Variants in UBE2H observed in about 807,000 individuals in gnomAD.
The protein encoded by UBE2H is ubiquitin conjugating enzyme E2 H.
UBE2H carries 3 observed loss-of-function variants against 29.0 expected under a neutral mutation model. The ratio of observed to expected loss-of-function variants is 0.10; its 90% CI spans 0.05 to 0.27. The LOEUF (loss-of-function observed/expected upper bound fraction) is 0.27, where lower values mean the gene tolerates loss of function less well. UBE2H is among the 10% of genes least tolerant of loss of function. The pLI is 1.00. For missense variants in UBE2H, 68 were observed against 228.2 expected (o/e 0.30, Z 4.52); for synonymous variants, 69 against 82.9 (o/e 0.83, Z 0.91).
chr7:129,915,178 G>C (rs770933757), intron 1 of UBE2H, among the ~76,000 whole-genome samples: 13 of 152,072 alleles, frequency 8.5e-5, no homozygotes, highest in Admixed American at 2.6e-4. Flanking sequence ...CAAAAACCAC[G>C]GGCTTGGCTC....
chr7:129,944,102 A>G (rs1002818833), intron 1 of UBE2H, among the ~76,000 whole-genome samples: 1 of 151,738 alleles, frequency 6.6e-6, no homozygotes, highest in Non-Finnish European at 1.5e-5. Context: ...CATGCCTGTA[A>G]TCCCAGCACT....
intron 6 of UBE2H, 143 bp downstream of exon 6, chr7:129,839,064 A>T: frequency 8.0e-7 from 1 of 1,242,584 alleles, no homozygotes; most frequent in South Asian, 1.5e-5. Context: ...GAGGTTGGTG[A>T]GCACTACTTC....
At chr7:129,849,166 A>G (rs1402734266) in intron 5 of UBE2H, among the ~76,000 whole-genome samples, 2 of 22,436 alleles carry the variant, frequency 8.9e-5, no homozygotes, top group African/African-American at 1.7e-4. Flanking sequence ...AAAACTTGCA[A>G]ACAGAGGGCC....
intron 1 of UBE2H, among the ~76,000 whole-genome samples, chr7:129,908,775 A>G (rs78637810): frequency 0.064 from 9,698 of 152,252 alleles, 373 homozygotes; most frequent in Non-Finnish European, 0.092. Context: ...CCAATCTATG[A>G]TTATCCCCAA....
intron 1 of UBE2H, among the ~76,000 whole-genome samples, chr7:129,935,337 CGA>C: frequency 6.7e-6 from 1 of 150,346 alleles, no homozygotes; most frequent in East Asian, 2.0e-4. Flanking sequence ...CGCTTGAACC[CGA>C]GAGGCGAGGG....
chr7:129,889,907 A>G (rs1010210650), intron 1 of UBE2H, among the ~76,000 whole-genome samples: 1 of 152,108 alleles, frequency 6.6e-6, no homozygotes, highest in Admixed American at 6.6e-5. Context: ...GGAGGATCAC[A>G]TGAGCCCAGG....
intron 1 of UBE2H, among the ~76,000 whole-genome samples, chr7:129,937,642 G>A (rs1807558726): frequency 1.3e-5 from 2 of 152,188 alleles, no homozygotes; most frequent in Admixed American, 6.6e-5. Flanking sequence ...ATCAGAGACA[G>A]CACTTTAGCT....
chr7:129,893,537 G>C (rs887012924), intron 1 of UBE2H, among the ~76,000 whole-genome samples: 7 of 152,136 alleles, frequency 4.6e-5, no homozygotes, highest in African/African-American at 1.7e-4. Context: ...GTTTCAGAGA[G>C]AGAAAAGTGA....
intron 3 of UBE2H, among the ~76,000 whole-genome samples, chr7:129,873,690 G>A (rs1327330601): frequency 3.3e-5 from 5 of 151,472 alleles, no homozygotes; most frequent in Admixed American, 2.0e-4. Context: ...TGCCCACTTC[G>A]GCCTCCCCAA....
At chr7:129,886,767 TA>T (rs79067201) in intron 1 of UBE2H, among the ~76,000 whole-genome samples, 2,183 of 72,026 alleles carry the variant, frequency 0.03, 66 homozygotes, top group East Asian at 0.17. Flanking sequence ...TGTTTTTTGG[TA>T]AAAAAAAAAA....
intron 5 of UBE2H, among the ~76,000 whole-genome samples, chr7:129,847,078 C>CTCTA (rs1456227191): frequency 6.6e-6 from 1 of 151,826 alleles, no homozygotes; most frequent in Non-Finnish European, 1.5e-5. Flanking sequence ...TGGAGTCTCG[C>CTCTA]TCTATCTCCC....
chr7:129,881,017 GCAGAATTACCA>G, intron 1 of UBE2H, 46 bp from the exon 2 acceptor site: 1 of 1,561,834 alleles, frequency 6.4e-7, no homozygotes, highest in Non-Finnish European at 8.7e-7. Context: ...ACAGTATCTG[GCAGAATTACCA>G]ATAACACCCC....
chr7:129,880,138 C>T lies in UBE2H; in HGVS notation c.131-496G>A, dbSNP rs949148063. The stretch of plus-strand genomic sequence containing the variant: ...TTCCACACCCCTGGATTCAACCAAC[C>T]ACAGATCAAAAATATTAGAGAAAAA... On this transcript the variant is annotated intron_variant, in intron 2 of 6. Coordinates refer to ENST00000355621, the MANE Select transcript of UBE2H (RefSeq NM_003344.4). Among the ~76,000 whole-genome samples the T allele has an allele frequency of 7.2e-5, 11 of 152,162 alleles. No homozygotes were observed. The South Asian group carries it at 1.0e-3, about 14-fold the overall frequency.
At chr7:129,938,808 G>GT (rs1456657433) in intron 1 of UBE2H, among the ~76,000 whole-genome samples, 3,101 of 147,906 alleles carry the variant, frequency 0.021, 58 homozygotes, top group African/African-American at 0.056. Context: ...TGTTTTTTTT[G>GT]TTTTTTTTTG....
chr7:129,849,380 C>T (rs868444259), intron 5 of UBE2H, among the ~76,000 whole-genome samples: 1 of 152,088 alleles, frequency 6.6e-6, no homozygotes, highest in African/African-American at 2.4e-5. Flanking sequence ...GGGTTCAAGA[C>T]CAACCTGGCC....
Position 129,834,698 on chromosome 7 carries a change from C to T in UBE2H, c.*239G>A. On this transcript the variant is annotated 3_prime_UTR_variant, in exon 7 of 7. Coordinates refer to ENST00000355621, the MANE Select transcript of UBE2H (RefSeq NM_003344.4). ...GGCCACATGGACTCATGAATGCATG[C>T]ATTCAGACCGCATATTGCTACCAAA... The T allele has an allele frequency of 2.4e-6, 1 of 408,192 alleles. No homozygotes were observed. The highest frequency in any genetic ancestry group is 4.7e-5 in the East Asian group (1 of 21,440). The allele number at this position is 408,192 out of a possible 1,614,324, so 25.3% of individuals were successfully genotyped here. A position where few individuals can be genotyped will look rare whatever the true frequency, so the allele number is the denominator to read the frequency against.
At chr7:129,908,331 T>C (rs1806860952) in intron 1 of UBE2H, among the ~76,000 whole-genome samples, 1 of 152,224 alleles carries the variant, frequency 6.6e-6, no homozygotes, top group Non-Finnish European at 1.5e-5. Flanking sequence ...GGTTTGGGAC[T>C]AACACCAACT....
intron 1 of UBE2H, among the ~76,000 whole-genome samples, chr7:129,919,246 T>C (rs1392316073): frequency 1.3e-5 from 2 of 152,024 alleles, no homozygotes; most frequent in African/African-American, 2.4e-5. Context: ...TCAAAAAGAC[T>C]ATAGTAAACA....
intron 1 of UBE2H, among the ~76,000 whole-genome samples, chr7:129,930,171 T>A (rs1807359577): frequency 6.6e-6 from 1 of 151,924 alleles, no homozygotes; most frequent in Non-Finnish European, 1.5e-5. Context: ...CACTCTGTAT[T>A]TTTTTTTGCG....
Sources: allele counts gnomAD v4.1 joint callset (sites outside exome capture counted in the v4.1 genomes callset), GRCh38; gene constraint gnomAD v4.1.1; transcripts MANE v1.5; gene names NCBI Gene and HGNC (gene_info 2026-07-23, HGNC 2026-07-21).